The following SETD5 variants were observed in gnomAD, a reference collection of about 807,000 sequenced individuals.
SETD5 encodes the protein histone-lysine N-methyltransferase SETD5.
Under a neutral mutation model 153.3 loss-of-function variants are expected in SETD5, and 44 were observed. The ratio of observed to expected loss-of-function variants is 0.29; its 90% confidence interval spans 0.23 to 0.37. SETD5 has a LOEUF of 0.37. SETD5 is among the 10% of genes least tolerant of loss of function. The pLI, the probability that SETD5 is intolerant of heterozygous loss-of-function variation, is 1.00. For synonymous variants in SETD5, 716 were observed against 645.2 expected, an observed-to-expected ratio of 1.11 and a Z score of -1.66; for missense variants, 1,544 against 1,768.0, an observed-to-expected ratio of 0.87 and a Z score of 2.27.
At chr3:9,440,868 T>C (rs2041191615) in intron 8 of SETD5, among the ~76,000 whole-genome samples, 170 bp downstream of exon 8, 1 of 152,158 alleles carries the variant, frequency 6.6e-6, no homozygotes, top group African/African-American at 2.4e-5. Flanking sequence ...AACTGGAAAC[T>C]ACCTGGATAC....
At chr3:9,453,995 G>T in intron 17 of SETD5, 127 bp downstream of exon 17, 1 of 1,120,858 alleles carries the variant, frequency 8.9e-7, no homozygotes, top group Admixed American at 3.6e-5. Context: ...CTTTACATCT[G>T]TCTTTACAGA....
chr3:9,438,807 G>C (rs1559409967), intron 7 of SETD5, among the ~76,000 whole-genome samples: 1 of 152,174 alleles, frequency 6.6e-6, no homozygotes, highest in Non-Finnish European at 1.5e-5. Flanking sequence ...GATGTGAACA[G>C]GATCCCTGGT....
intron 16 of SETD5, among the ~76,000 whole-genome samples, chr3:9,451,340 A>G (rs1283089593): frequency 2.0e-5 from 3 of 152,176 alleles, no homozygotes; most frequent in Non-Finnish European, 2.9e-5. Flanking sequence ...CCATGCATGA[A>G]ATTGGGATCA....
chr3:9,465,836 C>G (rs2044489330), intron 18 of SETD5, among the ~76,000 whole-genome samples: 1 of 152,156 alleles, frequency 6.6e-6, no homozygotes, highest in Admixed American at 6.5e-5. Flanking sequence ...TCAGGCCTTT[C>G]TAACTTGACT....
intron 1 of SETD5, among the ~76,000 whole-genome samples, chr3:9,405,669 A>T (rs1019042084): frequency 3.3e-5 from 5 of 152,216 alleles, no homozygotes; most frequent in Admixed American, 2.0e-4. Context: ...TCATTCTTAG[A>T]TATTATGATC....
chr3:9,474,898 C>G, intron 21 of SETD5, 170 bp from the exon 22 acceptor site: 1 of 639,740 alleles, frequency 1.6e-6, no homozygotes, highest in Non-Finnish European at 2.7e-6. Context: ...TAGAACATAG[C>G]CCATAATTAA....
chr3:9,414,376 T>C (rs1405271657), intron 1 of SETD5, among the ~76,000 whole-genome samples: 1 of 152,056 alleles, frequency 6.6e-6, no homozygotes, highest in Non-Finnish European at 1.5e-5. Context: ...CGTGTGTGTT[T>C]TTTGGGGAGT....
intron 1 of SETD5, among the ~76,000 whole-genome samples, chr3:9,413,412 G>C (rs1315485876): frequency 1.3e-5 from 2 of 152,094 alleles, no homozygotes; most frequent in Non-Finnish European, 2.9e-5. Flanking sequence ...ATAAATATCA[G>C]ACCATATTTA....
chr3:9,419,682 T>G (rs570674563), intron 1 of SETD5, among the ~76,000 whole-genome samples: 2 of 152,370 alleles, frequency 1.3e-5, no homozygotes, highest in East Asian at 3.8e-4. Context: ...ACTTTACTAC[T>G]GTAGGTGTGT....
At chr3:9,446,204 A>G (rs908260794) in intron 13 of SETD5, among the ~76,000 whole-genome samples, 2 of 144,532 alleles carry the variant, frequency 1.4e-5, no homozygotes, top group African/African-American at 2.6e-5. Flanking sequence ...GGAGAATGGC[A>G]TGAACCTGGG....
intron 1 of SETD5, among the ~76,000 whole-genome samples, chr3:9,400,744 C>T (rs2034631469): frequency 6.6e-6 from 1 of 152,138 alleles, no homozygotes; most frequent in African/African-American, 2.4e-5. Context: ...AAATGTAGGA[C>T]AGACCAGAAG....
chr3:9,454,060 C>G (rs1004528163), intron 17 of SETD5, 192 bp downstream of exon 17: 22 of 492,478 alleles, frequency 4.5e-5, no homozygotes, highest in African/African-American at 4.2e-4. Flanking sequence ...CAAAGAAGGA[C>G]TAGACAGTGT....
At chr3:9,469,925 G>A (rs2045103175) in intron 18 of SETD5, among the ~76,000 whole-genome samples, 3 of 152,128 alleles carry the variant, frequency 2.0e-5, no homozygotes, top group Admixed American at 1.3e-4. Context: ...TGTCTTTAAT[G>A]CCATCCTCCT....
At chr3:9,430,379 G>A (rs2039817995) in intron 3 of SETD5, 2 of 976,698 alleles carry the variant, frequency 2.0e-6, no homozygotes, top group Non-Finnish European at 2.4e-6. Flanking sequence ...GAGAAAGGAG[G>A]GTTGGGGGTG....
At chr3:9,463,545 T>TA (rs2044223647) in intron 17 of SETD5, among the ~76,000 whole-genome samples, 1 of 152,214 alleles carries the variant, frequency 6.6e-6, no homozygotes, top group African/African-American at 2.4e-5. Flanking sequence ...TAAGTGGATC[T>TA]AAGAAGTACA....
chr3:9,410,109 A>C (rs2036322570), intron 1 of SETD5, among the ~76,000 whole-genome samples: 1 of 152,210 alleles, frequency 6.6e-6, no homozygotes, highest in Non-Finnish European at 1.5e-5. Context: ...GAATGTACTA[A>C]CATAAACCTA....
At chr3:9,436,909 A>G in intron 7 of SETD5, 1 of 1,548,684 alleles carries the variant, frequency 6.5e-7, no homozygotes, top group Non-Finnish European at 8.7e-7. Context: ...ATCTTCGCTG[A>G]TGCTGTGTTT....
In SETD5 at chr3:9,447,058, A is replaced by G. The variant is rs2042105926; in HGVS notation, c.1533A>G (p.Glu511=). 1 of 1,609,980 alleles carries G rather than the reference A, an allele frequency of 6.2e-7. No homozygotes were observed. Among genetic ancestry groups the G allele is most frequent in the Non-Finnish European group, 8.5e-7 (1 of 1,177,732 alleles). ...GTACTATCTCTTTCTAGACCAGGGA[A>G]GATAGAAAGGTAGAAGCCATCATGC... is the stretch of plus-strand genomic sequence containing the variant. ...ENLAHSRRTR[E]DRKVEAIMHA... Residue 511 remains glutamate (E), a synonymous_variant, in exon 14 of 23, where the codon GAA becomes GAG. Transcript: ENST00000402198.
chr3:9,446,762 A>T (rs2125266587), intron 13 of SETD5, among the ~76,000 whole-genome samples: 1 of 152,290 alleles, frequency 6.6e-6, no homozygotes, highest in East Asian at 1.9e-4. Context: ...AAGTACTGGG[A>T]TTACAGGCGT....
Sources: gnomAD v4.1 joint callset for allele counts (sites outside exome capture counted in the v4.1 genomes callset) on GRCh38, gnomAD v4.1.1 for gene constraint, MANE v1.5 for transcripts, NCBI Gene and HGNC (gene_info 2026-07-23, HGNC 2026-07-21) for gene names.